HK1: variants seen among roughly 807,000 people sequenced by gnomAD.
HK1 encodes hexokinase-1.
HK1 carries 28 observed loss-of-function variants against 91.6 expected under a neutral mutation model. The ratio of observed to expected loss-of-function variants is 0.31; its 90% CI spans 0.23 to 0.42. HK1 has a LOEUF of 0.42. Ranked by LOEUF, HK1 falls within the 10% of genes least tolerant of loss-of-function variation. The probability of loss-of-function intolerance (pLI) is 1.00; values close to 1 mark genes in which losing one functional copy is unlikely to be tolerated. For missense variants in HK1, 770 were observed against 1,219.8 expected (o/e 0.63, Z 5.49); for synonymous variants, 430 against 468.1 (o/e 0.92, Z 1.05).
At chr10:69,294,021 C>A (rs1426758925) in intron 3 of HK1, among the ~76,000 whole-genome samples, 3 of 151,770 alleles carry the variant, frequency 2.0e-5, no homozygotes, top group Non-Finnish European at 4.4e-5. Context: ...ACCACCACGC[C>A]CGGCTGATTT....
At chr10:69,355,635 C>CA (rs1443399438) in intron 2 of HK1, among the ~76,000 whole-genome samples, 2 of 151,888 alleles carry the variant, frequency 1.3e-5, no homozygotes, top group Admixed American at 1.3e-4. Context: ...ACTAAAAATA[C>CA]AAAAAAATTA....
chr10:69,277,981 C>T (rs1443056800), intron 1 of HK1, among the ~76,000 whole-genome samples: 1 of 151,536 alleles, frequency 6.6e-6, no homozygotes, highest in Non-Finnish European at 1.5e-5. Flanking sequence ...TGCAGTGAGC[C>T]GAGATTGTGC....
chr10:69,381,347 C>T lies in HK1; in HGVS notation c.1266-1140C>T, dbSNP rs147847936. ...GAGGGGATAGGGTTTGAGCCAAGGA[C>T]GTAATTGTATTTTTAAAATATTTTT... is the stretch of plus-strand genomic sequence containing the variant. On this transcript the variant is annotated intron_variant, in intron 9 of 17. Coordinates refer to ENST00000359426, the MANE Select transcript of HK1 (RefSeq NM_000188.3). Among the ~76,000 whole-genome samples, 17 of 152,100 alleles carry T rather than the reference C, an allele frequency of 1.1e-4. No individual in the cohort carries two copies. The South Asian group carries it at 1.2e-3, about 11-fold the overall frequency.
chr10:69,398,387 A>G (rs1840234685), intron 16 of HK1, among the ~76,000 whole-genome samples: 1 of 152,244 alleles, frequency 6.6e-6, no homozygotes, highest in Non-Finnish European at 1.5e-5. Context: ...ATTTTCCTAG[A>G]TGTTGAGATA....
At chr10:69,339,497 G>A (rs546366880) in intron 1 of HK1, among the ~76,000 whole-genome samples, 2 of 152,264 alleles carry the variant, frequency 1.3e-5, no homozygotes, top group South Asian at 2.1e-4. Flanking sequence ...ACCTCATGAC[G>A]ACTCATGAAC....
chr10:69,295,996 G>T (rs1845545788), intron 4 of HK1, among the ~76,000 whole-genome samples: 4 of 152,164 alleles, frequency 2.6e-5, no homozygotes, highest in African/African-American at 7.2e-5. Context: ...GATTGTGAGA[G>T]ACCCTGGGAG....
At chr10:69,345,862 A>G (rs1373962870) in intron 2 of HK1, among the ~76,000 whole-genome samples, 1 of 152,112 alleles carries the variant, frequency 6.6e-6, no homozygotes, top group Non-Finnish European at 1.5e-5. Context: ...TCCTCCAAAC[A>G]AGGCTTAGAA....
chr10:69,319,235 C>T, intron 1 of HK1: 1 of 623,038 alleles, frequency 1.6e-6, no homozygotes, highest in Non-Finnish European at 2.9e-6. Context: ...GGAAGACCCC[C>T]GAGACCGGGC....
intron 4 of HK1, 127 bp downstream of exon 4, chr10:69,365,029 A>G (rs995104616): frequency 9.5e-7 from 1 of 1,052,062 alleles, no homozygotes; most frequent in Admixed American, 1.9e-5. Flanking sequence ...TTTTAAAGAA[A>G]CATTTGCAGA....
chr10:69,281,408 G>A (rs1844740758), intron 1 of HK1, among the ~76,000 whole-genome samples: 1 of 152,222 alleles, frequency 6.6e-6, no homozygotes, highest in African/African-American at 2.4e-5. Context: ...GTACCAGGGT[G>A]TGCTGTCCTC....
chr10:69,360,625 G>C (rs979330682), intron 3 of HK1, among the ~76,000 whole-genome samples: 43 of 152,292 alleles, frequency 2.8e-4, no homozygotes, highest in South Asian at 2.7e-3. Flanking sequence ...TCCTGTTGGG[G>C]CTCCCCACGC....
intron 1 of HK1, chr10:69,338,823 G>T: frequency 1.7e-6 from 1 of 590,308 alleles, no homozygotes; most frequent in South Asian, 2.3e-5. Flanking sequence ...GGAAGGAGGA[G>T]AGTAAAGATC....
intron 1 of HK1, among the ~76,000 whole-genome samples, chr10:69,341,938 A>T (rs571717299): frequency 2.6e-5 from 4 of 152,240 alleles, no homozygotes; most frequent in African/African-American, 9.6e-5. Context: ...ACTTGAGGTC[A>T]GGAGTTTGAG....
intron 1 of HK1, among the ~76,000 whole-genome samples, chr10:69,331,328 T>C (rs1016003907): frequency 5.9e-5 from 9 of 152,270 alleles, no homozygotes; most frequent in Non-Finnish European, 1.2e-4. Context: ...AGGAAGGATA[T>C]TTCTTTTCAG....
intron 10 of HK1, 93 bp from the exon 11 acceptor site, chr10:69,384,240 G>T (rs376258455): frequency 1.9e-5 from 28 of 1,458,880 alleles, no homozygotes; most frequent in East Asian, 1.1e-4. Context: ...TTGCTATGGG[G>T]TTCTCCCCTT....
upstream of HK1, chr10:69,317,974 G>GA: frequency 1.1e-6 from 1 of 878,026 alleles, no homozygotes; most frequent in Non-Finnish European, 1.4e-6. Context: ...CGGCACCTGG[G>GA]AAGGGGCGCT....
At chr10:69,400,796 G>A (rs1840351182) in intron 17 of HK1, among the ~76,000 whole-genome samples, 195 bp from the exon 18 acceptor site, 1 of 152,156 alleles carries the variant, frequency 6.6e-6, no homozygotes, top group South Asian at 2.1e-4. Flanking sequence ...TCCCAACCAT[G>A]TTCACCCTCC....
At chr10:69,338,563 A>C (rs894429440) in intron 1 of HK1, 1 of 1,289,404 alleles carries the variant, frequency 7.8e-7, no homozygotes, top group East Asian at 5.6e-5. Context: ...GTCCTCCCCA[A>C]CTCCCAAATG....
In HK1 at chr10:69,380,350, T is replaced by C. The variant is rs1247829604; in HGVS notation, c.1265+255T>C. Among the ~76,000 whole-genome samples the C allele has an allele frequency of 6.6e-6, 1 of 152,120 alleles. No individual in the cohort carries two copies. The highest frequency in any genetic ancestry group is 1.5e-5 in the Non-Finnish European group (1 of 68,024). ...AAAATAAATAAATAGATAAATAACA[T>C]GCTTAGTTCTGGGCATAAGGTCAGC... On this transcript the variant is annotated intron_variant, in intron 9 of 17. Coordinates refer to ENST00000359426, the MANE Select transcript of HK1 (RefSeq NM_000188.3). The surrounding 1 kb of genome is among the most constrained non-coding windows in gnomAD (Gnocchi z 4.0).
Sources: allele counts gnomAD v4.1 joint callset (sites outside exome capture counted in the v4.1 genomes callset), GRCh38; gene constraint gnomAD v4.1.1; non-coding constraint Gnocchi (gnomAD v3.1); transcripts MANE v1.5; gene names NCBI Gene and HGNC (gene_info 2026-07-23, HGNC 2026-07-21).